The following FAM168A variants were observed in gnomAD, a reference collection of about 807,000 sequenced individuals.
FAM168A encodes the protein protein FAM168A.
Under a neutral mutation model 28.5 loss-of-function variants are expected in FAM168A, and 3 were observed. That is an observed-to-expected ratio of 0.11 (90% CI 0.05 to 0.27). The LOEUF (loss-of-function observed/expected upper bound fraction) is 0.27. Ranked by LOEUF, FAM168A falls within the 10% of genes least tolerant of loss-of-function variation. FAM168A has a pLI of 1.00. For synonymous variants in FAM168A, 122 were observed against 124.2 expected (o/e 0.98, Z 0.12); for missense variants, 222 against 311.5 (o/e 0.71, Z 2.16).
intron 1 of FAM168A, among the ~76,000 whole-genome samples, chr11:73,524,632 C>T (rs7930152): frequency 0.077 from 11,658 of 151,936 alleles, 546 homozygotes; most frequent in Non-Finnish European, 0.11. Context: ...GAGTCTTGCT[C>T]TGTTGCCCAG....
At chr11:73,428,286 C>T (rs991419364) in intron 3 of FAM168A, among the ~76,000 whole-genome samples, 3 of 152,228 alleles carry the variant, frequency 2.0e-5, no homozygotes, top group African/African-American at 7.2e-5. Context: ...CAGTACCCCA[C>T]ACTCATACCT....
intron 1 of FAM168A, among the ~76,000 whole-genome samples, chr11:73,555,730 G>A (rs924608510): frequency 1.3e-5 from 2 of 151,734 alleles, no homozygotes; most frequent in African/African-American, 4.8e-5. Context: ...AGAGAAAATG[G>A]GGCTAAGGGC....
intron 1 of FAM168A, among the ~76,000 whole-genome samples, chr11:73,469,887 G>A (rs148158298): frequency 2.6e-4 from 40 of 152,178 alleles, no homozygotes; most frequent in African/African-American, 9.4e-4. Context: ...CATTAATAAT[G>A]AAAAGAGATC....
chr11:73,589,276 A>G (rs564633436), intron 1 of FAM168A, among the ~76,000 whole-genome samples: 1 of 152,242 alleles, frequency 6.6e-6, no homozygotes, highest in South Asian at 2.1e-4. Flanking sequence ...AAAAATAATA[A>G]AGAAAAAAAC....
chr11:73,434,535 G>T (rs1455483908), intron 2 of FAM168A, among the ~76,000 whole-genome samples: 1 of 152,204 alleles, frequency 6.6e-6, no homozygotes, highest in Non-Finnish European at 1.5e-5. Context: ...GCCCTAAGGT[G>T]ACAGCATATG....
At chr11:73,578,451 T>C (rs1944202869) in intron 1 of FAM168A, among the ~76,000 whole-genome samples, 1 of 152,092 alleles carries the variant, frequency 6.6e-6, no homozygotes, top group Non-Finnish European at 1.5e-5. Context: ...GTATGCCAAT[T>C]TTACTTCAAT....
At chr11:73,497,021 G>A (rs1049945579) in intron 1 of FAM168A, among the ~76,000 whole-genome samples, 1 of 152,080 alleles carries the variant, frequency 6.6e-6, no homozygotes, top group African/African-American at 2.4e-5. Context: ...AAAAATGGCC[G>A]AATTCAGAAA....
intron 1 of FAM168A, among the ~76,000 whole-genome samples, chr11:73,545,614 T>C (rs1428946159): frequency 6.6e-6 from 1 of 151,792 alleles, no homozygotes; most frequent in African/African-American, 2.4e-5. Flanking sequence ...TCAGTAAAGC[T>C]CTTTAACTTT....
intron 3 of FAM168A, among the ~76,000 whole-genome samples, chr11:73,422,157 A>G (rs1186709873): frequency 6.6e-6 from 1 of 152,318 alleles, no homozygotes; most frequent in African/African-American, 2.4e-5. Context: ...ACACAGCCAC[A>G]CGCCAACCAG....
At chr11:73,565,855 C>T (rs12421053) in intron 1 of FAM168A, among the ~76,000 whole-genome samples, 46,112 of 151,996 alleles carry the variant, frequency 0.3, 8,730 homozygotes, top group African/African-American at 0.55. Flanking sequence ...CAGGCTCTTG[C>T]GGCATCCAAT....
intron 1 of FAM168A, among the ~76,000 whole-genome samples, chr11:73,477,497 A>C (rs1258200169): frequency 6.6e-6 from 1 of 152,202 alleles, no homozygotes; most frequent in African/African-American, 2.4e-5. Flanking sequence ...CAAGAAATAC[A>C]ATCAACTTCA....
intron 2 of FAM168A, among the ~76,000 whole-genome samples, chr11:73,465,939 G>A (rs1330601698): frequency 1.3e-5 from 2 of 152,030 alleles, no homozygotes; most frequent in Non-Finnish European, 1.5e-5. Flanking sequence ...CACACAGTAA[G>A]TACTCGGTAA....
chr11:73,455,632 C>T (rs1867517321), intron 2 of FAM168A, among the ~76,000 whole-genome samples: 1 of 152,170 alleles, frequency 6.6e-6, no homozygotes, highest in Non-Finnish European at 1.5e-5. Context: ...GTACCATAAA[C>T]AAAGAACACA....
intron 1 of FAM168A, among the ~76,000 whole-genome samples, chr11:73,515,214 T>C (rs1943286028): frequency 6.6e-6 from 1 of 152,040 alleles, no homozygotes; most frequent in African/African-American, 2.4e-5. Context: ...TAAGTTCTTA[T>C]AAACCAATGA....
At chr11:73,441,297 TC>T (rs1867190747) in intron 2 of FAM168A, among the ~76,000 whole-genome samples, 3 of 152,142 alleles carry the variant, frequency 2.0e-5, no homozygotes, top group Admixed American at 2.0e-4. Flanking sequence ...GACCTTGTGA[TC>T]CGCCCACCTC....
intron 2 of FAM168A, among the ~76,000 whole-genome samples, chr11:73,463,163 T>A (rs1867679753): frequency 6.6e-6 from 1 of 151,542 alleles, no homozygotes; most frequent in Admixed American, 6.6e-5. Context: ...GAGACGGGGT[T>A]TTGCTTTGTT....
At chr11:73,571,243 C>CCCCCCCCT (rs1410610985) in intron 1 of FAM168A, among the ~76,000 whole-genome samples, 9 of 112,632 alleles carry the variant, frequency 8.0e-5, no homozygotes, top group African/African-American at 1.6e-4. Context: ...CTCCCCCCCC[C>CCCCCCCCT]CTCCCCACAG....
At chr11:73,568,072 T>C (rs1944043143) in intron 1 of FAM168A, among the ~76,000 whole-genome samples, 1 of 152,190 alleles carries the variant, frequency 6.6e-6, no homozygotes, top group South Asian at 2.1e-4. Flanking sequence ...TTTAGGGCCC[T>C]AGAAATCTAC....
At chr11:73,585,310 T>C (rs569547259) in intron 1 of FAM168A, among the ~76,000 whole-genome samples, 4 of 152,344 alleles carry the variant, frequency 2.6e-5, no homozygotes, top group Admixed American at 6.5e-5. Context: ...CTTTATGAAT[T>C]ATCTCATTCA....
Sources: gnomAD v4.1 joint callset for allele counts (sites outside exome capture counted in the v4.1 genomes callset) on GRCh38, gnomAD v4.1.1 for gene constraint, MANE v1.5 for transcripts, NCBI Gene and HGNC (gene_info 2026-07-23, HGNC 2026-07-21) for gene names.